Variants in PRELID2 observed in about 807,000 individuals in gnomAD.
PRELID2 encodes the protein PRELI domain-containing protein 2.
A neutral mutation model predicts 28.4 loss-of-function variants in PRELID2; 25 were observed. The ratio of observed to expected loss-of-function variants is 0.88; its 90% CI spans 0.64 to 1.23. The LOEUF (loss-of-function observed/expected upper bound fraction) is 1.23. Among genes scored for constraint, PRELID2 ranks in the 50% most tolerant of loss-of-function variants. PRELID2 has a pLI of 0.00. For synonymous variants in PRELID2, 76 were observed against 71.6 expected (o/e 1.06, Z -0.31); for missense variants, 201 against 214.4 (o/e 0.94, Z 0.39).
chr5:145,738,790 AC>A (rs1388483834), intron 1 of PRELID2, among the ~76,000 whole-genome samples: 1 of 152,156 alleles, frequency 6.6e-6, no homozygotes, highest in African/African-American at 2.4e-5. Flanking sequence ...ATAGCTGAAA[AC>A]TTCCCAAATT....
At chr5:145,559,111 C>T (rs1487123054) in intron 1 of PRELID2, among the ~76,000 whole-genome samples, 4 of 151,892 alleles carry the variant, frequency 2.6e-5, no homozygotes, top group South Asian at 2.1e-4. Context: ...AAAAATTAGC[C>T]GGGCGTAGTG....
intron 1 of PRELID2, among the ~76,000 whole-genome samples, chr5:145,580,366 G>T (rs981313583): frequency 6.6e-6 from 1 of 152,086 alleles, no homozygotes; most frequent in Non-Finnish European, 1.5e-5. Context: ...ACTCACTTCA[G>T]TGTTCATGGA....
intron 1 of PRELID2, among the ~76,000 whole-genome samples, chr5:145,684,947 G>A (rs966063006): frequency 6.6e-6 from 1 of 152,160 alleles, no homozygotes; most frequent in African/African-American, 2.4e-5. Flanking sequence ...CAAGGTTGGG[G>A]TATAAGACAG....
the PRELID2 span, among the ~76,000 whole-genome samples, chr5:145,435,431 G>A: frequency 6.6e-6 from 1 of 152,156 alleles, no homozygotes; most frequent in South Asian, 2.1e-4. Context: ...GAAGGACCAA[G>A]TGGAGCTGGG....
At chr5:145,692,818 C>G (rs1181562730) in intron 1 of PRELID2, among the ~76,000 whole-genome samples, 2 of 152,158 alleles carry the variant, frequency 1.3e-5, no homozygotes, top group African/African-American at 4.8e-5. Context: ...TACAGATTTG[C>G]TTTATTTTAC....
At chr5:145,717,817 C>T (rs375919160) in intron 1 of PRELID2, among the ~76,000 whole-genome samples, 3 of 151,906 alleles carry the variant, frequency 2.0e-5, no homozygotes, top group South Asian at 2.1e-4. Context: ...AAGATCAATA[C>T]TATCAACAGA....
the PRELID2 span, among the ~76,000 whole-genome samples, chr5:145,274,449 G>A: frequency 6.6e-6 from 1 of 152,134 alleles, no homozygotes; most frequent in African/African-American, 2.4e-5. Flanking sequence ...GGACCCCGCG[G>A]CAGCTGGAGA....
At chr5:145,235,445 G>C in the PRELID2 span, among the ~76,000 whole-genome samples, 1 of 152,170 alleles carries the variant, frequency 6.6e-6, no homozygotes. Context: ...GAGTGCTGAA[G>C]TCAGCTACTG....
intron 1 of PRELID2, among the ~76,000 whole-genome samples, chr5:145,740,628 TA>T (rs371925582): frequency 0.021 from 389 of 18,730 alleles, 11 homozygotes; most frequent in Non-Finnish European, 0.09. Context: ...ATATATATAT[TA>T]TATATATAAA....
chr5:145,742,642 T>G lies in PRELID2; in HGVS notation n.70+22289A>C, dbSNP rs1432798477. The stretch of plus-strand genomic sequence containing the variant: ...TTTATAGCACTATATGCATACATTA[T>G]AAAATAAAAAAGTCTCAAAACAATA... On this transcript the variant is annotated intron_variant and non_coding_transcript_variant, in intron 1 of 2. Transcript: ENST00000510259. 5.4e-5 allele frequency among the ~76,000 whole-genome samples: 8 copies of G among 148,784 alleles called. 1 individual carries two copies. The Admixed American group carries it at 5.4e-4, about 10-fold the overall frequency.
chr5:145,640,159 G>C (rs1754075013), intron 1 of PRELID2, among the ~76,000 whole-genome samples: 2 of 152,150 alleles, frequency 1.3e-5, no homozygotes, highest in South Asian at 4.1e-4. Context: ...CACTTGGAAA[G>C]GTGAAACCCC....
the PRELID2 span, among the ~76,000 whole-genome samples, chr5:145,257,578 C>T: frequency 1.3e-5 from 2 of 152,026 alleles, no homozygotes; most frequent in African/African-American, 2.4e-5. Flanking sequence ...AACCACAAGA[C>T]ACAACTAATG....
the PRELID2 span, among the ~76,000 whole-genome samples, chr5:145,346,292 G>A: frequency 6.6e-6 from 1 of 152,092 alleles, no homozygotes; most frequent in Non-Finnish European, 1.5e-5. Context: ...GCTCACATTT[G>A]AATTGCAGTC....
chr5:145,678,085 TA>T (rs1433062948), intron 1 of PRELID2, among the ~76,000 whole-genome samples: 3 of 152,232 alleles, frequency 2.0e-5, no homozygotes, highest in African/African-American at 7.2e-5. Context: ...TTGTGCTGTG[TA>T]AAGAGGACTA....
intron 1 of PRELID2, among the ~76,000 whole-genome samples, chr5:145,716,891 T>C (rs137965088): frequency 6.6e-6 from 1 of 152,270 alleles, no homozygotes; most frequent in Non-Finnish European, 1.5e-5. Context: ...TTTTCTCTTC[T>C]GGACAAGGCA....
intron 1 of PRELID2, among the ~76,000 whole-genome samples, chr5:145,638,132 C>T (rs1306950349): frequency 2.0e-5 from 3 of 152,144 alleles, no homozygotes; most frequent in African/African-American, 7.2e-5. Context: ...ATATACTTCA[C>T]AACTGTCAGT....
the PRELID2 span, among the ~76,000 whole-genome samples, chr5:145,313,605 A>G: frequency 2.6e-4 from 39 of 152,320 alleles, no homozygotes; most frequent in African/African-American, 9.4e-4. Flanking sequence ...TTGGCAGCAG[A>G]CGGACTGGAA....
intron 1 of PRELID2, among the ~76,000 whole-genome samples, chr5:145,653,320 T>G (rs1239123548): frequency 1.3e-5 from 2 of 152,198 alleles, no homozygotes; most frequent in South Asian, 2.1e-4. Flanking sequence ...AACACCCCAC[T>G]GTCAATATTA....
At chr5:145,259,203 T>C in the PRELID2 span, among the ~76,000 whole-genome samples, 4 of 152,200 alleles carry the variant, frequency 2.6e-5, no homozygotes, top group African/African-American at 4.8e-5. Flanking sequence ...AGAGCCCTCA[T>C]GGAGAACCTC....
Sources: gnomAD v4.1 joint callset for allele counts (sites outside exome capture counted in the v4.1 genomes callset) on GRCh38, gnomAD v4.1.1 for gene constraint, MANE v1.5 for transcripts, NCBI Gene and HGNC (gene_info 2026-07-23, HGNC 2026-07-21) for gene names.